RBFOX1: variants seen among roughly 807,000 people sequenced by gnomAD.
RBFOX1 encodes the protein RNA binding fox-1 homolog 1.
In RBFOX1, 8 loss-of-function variants were observed where a neutral mutation model predicts 57.7. That is an observed-to-expected ratio of 0.14 (90% CI 0.08 to 0.25). RBFOX1 has a LOEUF of 0.25. Among genes scored for constraint, RBFOX1 ranks in the 10% least tolerant of loss-of-function variants. RBFOX1 has a pLI of 1.00. For synonymous variants in RBFOX1, 326 were observed against 222.4 expected, an observed-to-expected ratio of 1.47 and a Z score of -4.15; for missense variants, 611 against 548.5, an observed-to-expected ratio of 1.11 and a Z score of -1.14.
intron 3 of RBFOX1, among the ~76,000 whole-genome samples, chr16:7,031,927 C>A (rs1169871589): frequency 6.6e-6 from 1 of 152,132 alleles, no homozygotes; most frequent in Non-Finnish European, 1.5e-5. Flanking sequence ...GCCCTGCTTT[C>A]TTCCAGCAGC....
intron 3 of RBFOX1, among the ~76,000 whole-genome samples, chr16:5,773,060 G>A (rs574759250): frequency 3.9e-5 from 6 of 152,212 alleles, no homozygotes; most frequent in South Asian, 2.1e-4. Flanking sequence ...GCAGGACACC[G>A]TTGGGACTTT....
intron 4 of RBFOX1, among the ~76,000 whole-genome samples, chr16:7,489,662 C>T (rs1307739602): frequency 6.6e-6 from 1 of 151,836 alleles, no homozygotes; most frequent in Non-Finnish European, 1.5e-5. Flanking sequence ...ATTACAGGCA[C>T]ACACCACTAT....
intron 2 of RBFOX1, among the ~76,000 whole-genome samples, chr16:6,423,014 A>T (rs1401784643): frequency 3.3e-5 from 5 of 152,244 alleles, no homozygotes; most frequent in Non-Finnish European, 7.3e-5. Flanking sequence ...GCTGCATAGT[A>T]TTCCATGCTG....
At chr16:7,653,432 G>T (rs951479886) in intron 11 of RBFOX1, among the ~76,000 whole-genome samples, 1 of 152,190 alleles carries the variant, frequency 6.6e-6, no homozygotes, top group African/African-American at 2.4e-5. Flanking sequence ...CTTGAGCCCT[G>T]GAAGTCGAGG....
intron 4 of RBFOX1, among the ~76,000 whole-genome samples, chr16:5,871,441 T>C (rs1360670163): frequency 6.6e-6 from 1 of 152,214 alleles, no homozygotes; most frequent in African/African-American, 2.4e-5. Context: ...CATGGTTCCA[T>C]TTTGTTCCTA....
chr16:7,562,648 G>A (rs1480238317), intron 5 of RBFOX1, among the ~76,000 whole-genome samples: 2 of 152,128 alleles, frequency 1.3e-5, no homozygotes, highest in African/African-American at 4.8e-5. Flanking sequence ...TCATCACCAG[G>A]ATGCATTTGA....
chr16:5,503,032 T>A (rs2151702735), intron 2 of RBFOX1, among the ~76,000 whole-genome samples: 1 of 152,342 alleles, frequency 6.6e-6, no homozygotes, highest in African/African-American at 2.4e-5. Context: ...CCTGGGGCTT[T>A]TCAGATGCCC....
intron 1 of RBFOX1, among the ~76,000 whole-genome samples, chr16:6,115,662 C>G (rs899458864): frequency 1.3e-5 from 2 of 152,068 alleles, no homozygotes; most frequent in Non-Finnish European, 2.9e-5. Flanking sequence ...CTAGAAAGAC[C>G]CAGGATTTTT....
chr16:7,676,664 C>CTTTA, intron 13 of RBFOX1, 110 bp from the exon 14 acceptor site: 6 of 942,824 alleles, frequency 6.4e-6, no homozygotes, highest in Non-Finnish European at 1.0e-5. Flanking sequence ...TTAACCTCAA[C>CTTTA]TTTAGCTCAG....
intron 1 of RBFOX1, among the ~76,000 whole-genome samples, chr16:6,160,947 G>A (rs190054475): frequency 1.3e-5 from 2 of 152,068 alleles, no homozygotes; most frequent in Admixed American, 6.6e-5. Context: ...TAGAACATTC[G>A]CCCCTTGTTC....
intron 4 of RBFOX1, among the ~76,000 whole-genome samples, chr16:7,092,689 C>T (rs567242170): frequency 2.6e-5 from 4 of 152,268 alleles, no homozygotes; most frequent in African/African-American, 4.8e-5. Flanking sequence ...TATGGTACTG[C>T]GCCTTGGGGG....
In RBFOX1 at chr16:6,287,885, A is replaced by G. The variant is rs186679011; in HGVS notation, c.-126-29110A>G. Among the ~76,000 whole-genome samples the G allele has an allele frequency of 9.2e-5, 14 of 152,292 alleles. No homozygotes were observed. In the East Asian group the frequency reaches 2.5e-3, roughly 27 times the overall value. ...CTGGTAGAACTTCACATCTTCAGAT[A>G]AGCTTTTCAGTCTAGCTTACCCATG... On this transcript the variant is annotated intron_variant, in intron 1 of 15. Coordinates refer to ENST00000550418, the MANE Select transcript of RBFOX1 (RefSeq NM_018723.4).
At chr16:6,720,626 G>A (rs1286337218) in intron 3 of RBFOX1, among the ~76,000 whole-genome samples, 1 of 152,052 alleles carries the variant, frequency 6.6e-6, no homozygotes, top group Admixed American at 6.5e-5. Flanking sequence ...GAATAGTTGG[G>A]GAGAAAGAGA....
At chr16:5,587,883 T>C (rs2046884719) in intron 2 of RBFOX1, among the ~76,000 whole-genome samples, 1 of 152,170 alleles carries the variant, frequency 6.6e-6, no homozygotes, top group African/African-American at 2.4e-5. Context: ...AGTATCAACC[T>C]ATGTCCTCAT....
rs1211046651 is a variant in RBFOX1, at chr16:6,019,734, A to G, written c.-385A>G. 2 of 1,370,100 alleles carry G rather than the reference A, an allele frequency of 1.5e-6. No individual in the cohort carries two copies. Among genetic ancestry groups the G allele is most frequent in the Non-Finnish European group, 1.9e-6 (2 of 1,060,928 alleles). The allele number at this position is 1,370,100 out of a possible 1,614,324, so 84.9% of individuals were successfully genotyped here. On this transcript the variant is annotated 5_prime_UTR_variant, in exon 1 of 16. Transcript: ENST00000550418. This position sits in a 1 kb window ranked among gnomAD's most constrained non-coding sequence, Gnocchi z 4.2. ...AGCAGGAGCGGACCGCGCGCCCGGGATTGAGAGTCCTTGCGCTCCAGACCC... is the reference window on the plus strand; with the variant it reads ...AGCAGGAGCGGACCGCGCGCCCGGGGTTGAGAGTCCTTGCGCTCCAGACCC...
chr16:5,651,199 C>T (rs1260889828), intron 3 of RBFOX1, among the ~76,000 whole-genome samples: 5 of 151,574 alleles, frequency 3.3e-5, no homozygotes, highest in African/African-American at 9.7e-5. Flanking sequence ...ATTACAGGCA[C>T]CTGCCACCAT....
At chr16:6,776,313 A>T (rs996123938) in intron 3 of RBFOX1, among the ~76,000 whole-genome samples, 37 of 152,116 alleles carry the variant, frequency 2.4e-4, no homozygotes, top group Admixed American at 1.0e-3. Context: ...CGGGGGGCTG[A>T]GGCAGGAGAA....
intron 4 of RBFOX1, among the ~76,000 whole-genome samples, chr16:7,388,751 A>G (rs962572750): frequency 1.4e-5 from 2 of 147,360 alleles, no homozygotes; most frequent in Admixed American, 7.0e-5. Flanking sequence ...ATTCAATACT[A>G]TTATAAAATT....
chr16:7,120,500 C>G (rs1256295388), intron 4 of RBFOX1, among the ~76,000 whole-genome samples: 2 of 151,650 alleles, frequency 1.3e-5, no homozygotes, highest in East Asian at 3.9e-4. Context: ...AGGAAATAAT[C>G]AAATAATCTA....
Sources: allele counts gnomAD v4.1 joint callset (sites outside exome capture counted in the v4.1 genomes callset), GRCh38; gene constraint gnomAD v4.1.1; non-coding constraint Gnocchi (gnomAD v3.1); transcripts MANE v1.5; gene names NCBI Gene and HGNC (gene_info 2026-07-23, HGNC 2026-07-21).